PCDH15: variants seen among roughly 807,000 people sequenced by gnomAD.
PCDH15 encodes the protein protocadherin-15.
In PCDH15, 129 loss-of-function variants were observed where a neutral mutation model predicts 178.5. The observed-to-expected ratio is 0.72, with a 90% CI of 0.63 to 0.84. The LOEUF (loss-of-function observed/expected upper bound fraction) is 0.84, where lower values mean the gene tolerates loss of function less well. Ranked by LOEUF, PCDH15 falls within the 40% of genes least tolerant of loss-of-function variation. PCDH15 has a pLI of 0.00. For synonymous variants in PCDH15, 800 were observed against 732.0 expected, an observed-to-expected ratio of 1.09 and a Z score of -1.50; for missense variants, 2,230 against 2,099.9, an observed-to-expected ratio of 1.06 and a Z score of -1.21.
chr10:53,937,028 G>T (rs755026995), intron 25 of PCDH15, among the ~76,000 whole-genome samples: 4 of 152,112 alleles, frequency 2.6e-5, no homozygotes, highest in Non-Finnish European at 5.9e-5. Flanking sequence ...AATATTCAAA[G>T]AATCAGGCAG....
chr10:55,403,087 A>G (rs61851115), intron 2 of PCDH15, among the ~76,000 whole-genome samples: 25,351 of 151,908 alleles, frequency 0.17, 2,225 homozygotes, highest in Middle Eastern at 0.21. Flanking sequence ...GTTGACTGTT[A>G]ACGGATTGAA....
At chr10:53,833,986 ATAAC>A (rs1187192767) in intron 29 of PCDH15, among the ~76,000 whole-genome samples, 4 of 152,182 alleles carry the variant, frequency 2.6e-5, no homozygotes, top group Admixed American at 6.5e-5. Context: ...ATTAACAACA[ATAAC>A]TAATAACAAA....
chr10:54,138,022 C>A (rs543217248), intron 14 of PCDH15, among the ~76,000 whole-genome samples: 1 of 152,208 alleles, frequency 6.6e-6, no homozygotes, highest in African/African-American at 2.4e-5. Flanking sequence ...CTAGTCAGAA[C>A]AGCATTTGAA....
At chr10:54,943,437 A>C (rs1377301988) in intron 2 of PCDH15, among the ~76,000 whole-genome samples, 1 of 151,990 alleles carries the variant, frequency 6.6e-6, no homozygotes, top group African/African-American at 2.4e-5. Context: ...TACTATTTTT[A>C]TATCCATTTA....
intron 17 of PCDH15, among the ~76,000 whole-genome samples, chr10:54,074,496 T>C (rs2094304043): frequency 6.6e-6 from 1 of 152,216 alleles, no homozygotes; most frequent in Admixed American, 6.5e-5. Flanking sequence ...TCTCAAGATT[T>C]ATCTGTGATA....
chr10:54,701,662 A>G (rs1005920423), intron 1 of PCDH15, among the ~76,000 whole-genome samples: 1 of 152,048 alleles, frequency 6.6e-6, no homozygotes, highest in Admixed American at 6.6e-5. Context: ...ATTTTAATTT[A>G]AGAAAAAACA....
At chr10:54,374,258 G>A (rs962810522) in intron 4 of PCDH15, among the ~76,000 whole-genome samples, 2 of 152,042 alleles carry the variant, frequency 1.3e-5, no homozygotes, top group African/African-American at 4.8e-5. Context: ...GCAGTTGAAT[G>A]GACACTGGCC....
intron 2 of PCDH15, among the ~76,000 whole-genome samples, chr10:55,450,826 G>C (rs887740832): frequency 1.3e-5 from 2 of 151,828 alleles, no homozygotes; most frequent in Non-Finnish European, 2.9e-5. Flanking sequence ...ATCCAGCTAA[G>C]CAATCTCCCA....
At chr10:55,438,414 T>C (rs1839098853) in intron 2 of PCDH15, among the ~76,000 whole-genome samples, 1 of 152,144 alleles carries the variant, frequency 6.6e-6, no homozygotes, top group Non-Finnish European at 1.5e-5. Context: ...AACAGCCAGC[T>C]CAGTATCTAC....
chr10:53,901,724 T>C lies in PCDH15; in HGVS notation c.3501+1519A>G, dbSNP rs143534547. Among the ~76,000 whole-genome samples the C allele has an allele frequency of 2.8e-3, 431 of 152,290 alleles. 1 individual carries two copies. Among genetic ancestry groups the C allele is most frequent in the African/African-American group, 9.6e-3 (399 of 41,582 alleles). On this transcript the variant is annotated intron_variant, in intron 26 of 37. Transcript: ENST00000644397. ...ATTCACACTAGCCTCCAGCTCCCTG[T>C]CTACCTTTAGGGCTTTACAGAGAAA...
intron 9 of PCDH15, among the ~76,000 whole-genome samples, chr10:54,220,547 T>A (rs1254764766): frequency 1.3e-5 from 2 of 152,170 alleles, no homozygotes; most frequent in Non-Finnish European, 2.9e-5. Flanking sequence ...AACAAGAGTA[T>A]AACTAGCAAT....
At chr10:54,411,862 A>G (rs1220510546) in intron 3 of PCDH15, among the ~76,000 whole-genome samples, 2 of 152,180 alleles carry the variant, frequency 1.3e-5, no homozygotes, top group Admixed American at 6.5e-5. Context: ...TATCATCAGC[A>G]TATCCTCATT....
chr10:53,865,904 T>A (rs1474526730), intron 27 of PCDH15, among the ~76,000 whole-genome samples: 1 of 152,184 alleles, frequency 6.6e-6, no homozygotes, highest in Non-Finnish European at 1.5e-5. Context: ...GAATATACTT[T>A]GTATTAGATT....
At chr10:55,576,335 G>A (rs1231197259) in intron 2 of PCDH15, among the ~76,000 whole-genome samples, 8 of 152,112 alleles carry the variant, frequency 5.3e-5, no homozygotes, top group South Asian at 4.1e-4. Flanking sequence ...AAGGGTCTTC[G>A]CCCTTGTCAT....
At chr10:55,130,665 A>G (rs1564822540) in intron 2 of PCDH15, among the ~76,000 whole-genome samples, 1 of 140,900 alleles carries the variant, frequency 7.1e-6, no homozygotes, top group Non-Finnish European at 1.5e-5. Flanking sequence ...CTTAACATGT[A>G]TAAACACACA....
At chr10:53,998,620 C>CA (rs1271459149) in intron 20 of PCDH15, among the ~76,000 whole-genome samples, 4 of 150,402 alleles carry the variant, frequency 2.7e-5, no homozygotes, top group African/African-American at 9.8e-5. Flanking sequence ...TCTACACACA[C>CA]AAAAAAAATA....
At chr10:53,924,541 C>T (rs895907781) in intron 25 of PCDH15, among the ~76,000 whole-genome samples, 14 of 152,232 alleles carry the variant, frequency 9.2e-5, no homozygotes, top group African/African-American at 3.1e-4. Flanking sequence ...TCCCATCAAC[C>T]GCCCAAGGGC....
At chr10:54,609,420 T>A (rs2092887126) in intron 2 of PCDH15, among the ~76,000 whole-genome samples, 1 of 152,064 alleles carries the variant, frequency 6.6e-6, no homozygotes, top group Non-Finnish European at 1.5e-5. Context: ...CCATTACCTA[T>A]GCTTCATAAA....
intron 10 of PCDH15, among the ~76,000 whole-genome samples, chr10:54,204,831 T>A (rs2050623007): frequency 6.6e-6 from 1 of 152,086 alleles, no homozygotes; most frequent in African/African-American, 2.4e-5. Context: ...AAAAGTAAAC[T>A]TGGCCTTTTG....
Sources: gnomAD v4.1 joint callset for allele counts (sites outside exome capture counted in the v4.1 genomes callset) on GRCh38, gnomAD v4.1.1 for gene constraint, MANE v1.5 for transcripts, NCBI Gene and HGNC (gene_info 2026-07-23, HGNC 2026-07-21) for gene names.